RORA: variants seen among roughly 807,000 people sequenced by gnomAD.
RORA encodes the protein RAR related orphan receptor A.
RORA carries 7 observed loss-of-function variants against 69.5 expected under a neutral mutation model. That is an observed-to-expected ratio of 0.10 (90% confidence interval 0.06 to 0.19). The LOEUF (loss-of-function observed/expected upper bound fraction) is 0.19, where lower values mean the gene tolerates loss of function less well. RORA is among the 10% of genes least tolerant of loss of function. RORA has a pLI of 1.00. For missense variants in RORA, 457 were observed against 663.0 expected, an observed-to-expected ratio of 0.69 and a Z score of 3.41; for synonymous variants, 261 against 240.8, an observed-to-expected ratio of 1.08 and a Z score of -0.78.
intron 1 of RORA, among the ~76,000 whole-genome samples, chr15:61,112,868 G>A (rs995378744): frequency 6.6e-6 from 1 of 152,234 alleles, no homozygotes; most frequent in African/African-American, 2.4e-5. Flanking sequence ...CAACTCTATT[G>A]TCTGTCTCCT....
At chr15:61,210,122 G>A (rs1266029606) in intron 1 of RORA, among the ~76,000 whole-genome samples, 1 of 152,176 alleles carries the variant, frequency 6.6e-6, no homozygotes, top group African/African-American at 2.4e-5. Context: ...AGAGGCAGGT[G>A]TCTCCTCTAG....
chr15:61,084,706 A>C (rs1416992439), intron 1 of RORA, among the ~76,000 whole-genome samples: 2 of 152,154 alleles, frequency 1.3e-5, no homozygotes, highest in Non-Finnish European at 2.9e-5. Flanking sequence ...AGAACCGGGG[A>C]AGCAGCTGCT....
intron 1 of RORA, among the ~76,000 whole-genome samples, chr15:60,787,989 G>T (rs2072362463): frequency 6.6e-6 from 1 of 152,250 alleles, no homozygotes; most frequent in Admixed American, 6.5e-5. Context: ...GCTAAGTCTG[G>T]TGGCAGTGAT....
chr15:61,177,577 T>C (rs574084319), intron 1 of RORA, among the ~76,000 whole-genome samples: 8 of 151,948 alleles, frequency 5.3e-5, no homozygotes, highest in Admixed American at 3.9e-4. Context: ...GACATTTGAG[T>C]GTTACAAATC....
At chr15:61,171,547 A>C (rs2079585183) in intron 1 of RORA, among the ~76,000 whole-genome samples, 1 of 152,182 alleles carries the variant, frequency 6.6e-6, no homozygotes, top group Admixed American at 6.5e-5. Flanking sequence ...CACTGCTCAG[A>C]TGTGGGGTAT....
Position 60,537,858 on chromosome 15 carries a change from GCCCTACT to G in RORA, c.197-6014_197-6008del, listed in dbSNP as rs1379811837. On this transcript the variant is annotated intron_variant, in intron 2 of 10. Coordinates refer to ENST00000335670, the MANE Select transcript of RORA (RefSeq NM_134261.3). This position sits in a 1 kb window ranked among gnomAD's most constrained non-coding sequence, Gnocchi z 4.9. ...AAACAATTAGATCTCCAAATAGAAA[GCCCTACT>G]CCTTCAGTAAGCAGTCTCGCAGTCA... 1.3e-5 allele frequency among the ~76,000 whole-genome samples: 2 copies of G among 152,144 alleles called. No homozygotes were observed. Among genetic ancestry groups the G allele is most frequent in the Non-Finnish European group, 2.9e-5 (2 of 68,022 alleles).
At chr15:60,702,608 A>C (rs1345158888) in intron 1 of RORA, among the ~76,000 whole-genome samples, 1 of 152,226 alleles carries the variant, frequency 6.6e-6, no homozygotes, top group African/African-American at 2.4e-5. Flanking sequence ...GTATGTGAAT[A>C]ACCTTAGGAA....
chr15:61,176,422 G>A (rs1370429), intron 1 of RORA: 76,078 of 151,984 alleles, frequency 0.5, 19,988 homozygotes, highest in Non-Finnish European at 0.59. Flanking sequence ...TCCATTTCCT[G>A]TACATCAGAT....
In RORA at chr15:60,538,501, C is replaced by G. The variant is rs563304073; in HGVS notation, c.197-6650G>C. Among the ~76,000 whole-genome samples, 5 of 152,112 alleles carry G rather than the reference C, an allele frequency of 3.3e-5. No individual in the cohort carries two copies. The South Asian group carries it at 1.0e-3, about 31-fold the overall frequency. On this transcript the variant is annotated intron_variant, in intron 2 of 10. Transcript: ENST00000335670. ...GCTGTGTCCTATTACCCATATCCAG[C>G]TATGCCACAAAGAGAATAAAAATTA...
intron 2 of RORA, among the ~76,000 whole-genome samples, chr15:60,628,837 C>T (rs2069658963): frequency 6.6e-6 from 1 of 152,082 alleles, no homozygotes; most frequent in South Asian, 2.1e-4. Context: ...CAGAGAATGA[C>T]CTATTGCAGC....
chr15:60,702,931 A>C (rs1416938156), intron 1 of RORA, among the ~76,000 whole-genome samples: 1 of 152,134 alleles, frequency 6.6e-6, no homozygotes, highest in African/African-American at 2.4e-5. Flanking sequence ...ATATTCCAAT[A>C]CGTCCCCTTG....
chr15:60,974,945 C>G (rs1195879243), intron 1 of RORA, among the ~76,000 whole-genome samples: 2 of 152,206 alleles, frequency 1.3e-5, no homozygotes, highest in African/African-American at 4.8e-5. Context: ...GAAGGGCAAG[C>G]AACACTGTTC....
Position 60,760,113 on chromosome 15 carries a change from T to A in RORA, c.167-81427A>T, listed in dbSNP as rs553542305. 5.9e-5 allele frequency among the ~76,000 whole-genome samples: 9 copies of A among 152,272 alleles called. No individual in the cohort carries two copies. In the East Asian group the frequency reaches 1.7e-3, roughly 29 times the overall value. ...GTTTTTTTAAAAGGTTTTAATTTAC[T>A]TCATTAGAAGCTCTCTGAGCTTTAA... On this transcript the variant is annotated intron_variant, in intron 1 of 10. Transcript: ENST00000335670.
rs2140955843 is a variant in RORA, at chr15:61,229,270, C to G, written c.-52G>C. 1 of 947,950 alleles carries G rather than the reference C, an allele frequency of 1.1e-6. No homozygotes were observed. The highest frequency in any genetic ancestry group is 4.4e-5 in the Admixed American group (1 of 22,630). The allele number at this position is 947,950 out of a possible 1,614,324, so 58.7% of individuals were successfully genotyped here. A position where few individuals can be genotyped will look rare whatever the true frequency, so the allele number is the denominator to read the frequency against. ...GAGATGGCGAGCTCCGAGACTCCCT[C>G]TATCTTCTGTTTTCAGAGCAACTCT... On this transcript the variant is annotated 5_prime_UTR_variant, in exon 1 of 11. Transcript: ENST00000335670.
chr15:61,091,523 C>T (rs2078706962), intron 1 of RORA, among the ~76,000 whole-genome samples: 1 of 152,204 alleles, frequency 6.6e-6, no homozygotes, highest in African/African-American at 2.4e-5. Context: ...AGGGGCAATC[C>T]TCAGCTGTGG....
intron 1 of RORA, among the ~76,000 whole-genome samples, chr15:61,064,429 T>C (rs906533966): frequency 6.6e-6 from 1 of 152,180 alleles, no homozygotes; most frequent in Non-Finnish European, 1.5e-5. Flanking sequence ...ACCGTCAAGT[T>C]ACATCCCATT....
At chr15:61,094,646 A>G (rs1455405669) in intron 1 of RORA, among the ~76,000 whole-genome samples, 1 of 152,228 alleles carries the variant, frequency 6.6e-6, no homozygotes, top group Non-Finnish European at 1.5e-5. Context: ...GGAATTAGTT[A>G]TTTCCAGCAC....
At chr15:61,024,741 C>G (rs1402720044) in intron 1 of RORA, among the ~76,000 whole-genome samples, 1 of 151,942 alleles carries the variant, frequency 6.6e-6, no homozygotes, top group Non-Finnish European at 1.5e-5. Flanking sequence ...TGAGCCACTG[C>G]ACCTGGTCCT....
intron 1 of RORA, among the ~76,000 whole-genome samples, chr15:61,052,207 C>T (rs1324678211): frequency 9.9e-5 from 15 of 152,212 alleles, no homozygotes. Context: ...GAACTCTCCT[C>T]CACTCCCAAA....
Sources: gnomAD v4.1 joint callset for allele counts (sites outside exome capture counted in the v4.1 genomes callset) on GRCh38, gnomAD v4.1.1 for gene constraint, Gnocchi (gnomAD v3.1) non-coding constraint, MANE v1.5 for transcripts, NCBI Gene and HGNC (gene_info 2026-07-23, HGNC 2026-07-21) for gene names.